Variants in VCP observed in about 807,000 individuals in gnomAD.
VCP encodes transitional endoplasmic reticulum ATPase.
In VCP, 6 loss-of-function variants were observed where a neutral mutation model predicts 85.7. That is an observed-to-expected ratio of 0.07 (90% CI 0.04 to 0.14). The LOEUF is 0.14. VCP is among the 10% of genes least tolerant of loss of function. VCP has a pLI of 1.00. For synonymous variants in VCP, 384 were observed against 367.1 expected, an observed-to-expected ratio of 1.05 and a Z score of -0.53; for missense variants, 353 against 1,043.4, an observed-to-expected ratio of 0.34 and a Z score of 9.12.
chr9:35,065,945 G>A (rs1828820289), intron 4 of VCP, among the ~76,000 whole-genome samples: 4 of 152,124 alleles, frequency 2.6e-5, no homozygotes, highest in African/African-American at 4.8e-5. Flanking sequence ...GACCAACATG[G>A]TGAAACCCCG....
At chr9:35,060,037 TAGG>T (rs1828690869) in intron 13 of VCP, 4 of 664,222 alleles carry the variant, frequency 6.0e-6, no homozygotes, top group Non-Finnish European at 1.0e-5. Flanking sequence ...GAGGCTGAAG[TAGG>T]AGAATTGCTT....
In VCP at chr9:35,059,826, A is replaced by C; in HGVS notation, c.1696-25T>G. The C allele has an allele frequency of 6.2e-7, 1 of 1,614,130 alleles. No homozygotes were observed. Among genetic ancestry groups the C allele is most frequent in the Non-Finnish European group, 8.5e-7 (1 of 1,180,030 alleles). The stretch of plus-strand genomic sequence containing the variant: ...CCTGTAGGAGGAATGGATTGATTCA[A>C]GCACTAACAAAACTAGATGTCTCTA... On this transcript the variant is annotated intron_variant, in intron 13 of 16. Coordinates refer to ENST00000358901, the MANE Select transcript of VCP (RefSeq NM_007126.5). The surrounding 1 kb of genome is among the most constrained non-coding windows in gnomAD (Gnocchi z 4.9).
chr9:35,056,753 G>A lies in VCP; in HGVS notation c.*364C>T. 3.1e-6 allele frequency: 1 copy of A among 326,076 alleles called. No homozygotes were observed. Among genetic ancestry groups the A allele is most frequent in the Non-Finnish European group, 6.0e-6 (1 of 166,644 alleles). The allele number at this position is 326,076 out of a possible 1,614,324, so 20.2% of individuals were successfully genotyped here. A position where few individuals can be genotyped will look rare whatever the true frequency, so the allele number is the denominator to read the frequency against. On this transcript the variant is annotated 3_prime_UTR_variant, in exon 17 of 17. Transcript: ENST00000358901. ...TGGATAGGGGGAAGGGAGGGCTCGG[G>A]CAGCATTGAGTCAAGTGCAGATGCT...
At chr9:35,067,843 G>A (rs767274225) in intron 3 of VCP, 48 bp downstream of exon 3, 5 of 1,612,292 alleles carry the variant, frequency 3.1e-6, no homozygotes, top group East Asian at 2.2e-5. Context: ...TGTAATGCAG[G>A]CTATCTCTGG....
chr9:35,067,862 C>G, intron 3 of VCP, 29 bp downstream of exon 3: 1 of 1,613,928 alleles, frequency 6.2e-7, no homozygotes, highest in Non-Finnish European at 8.5e-7. Flanking sequence ...GGCCTCCCAT[C>G]CCTGTGAAGC....
chr9:35,067,928 G>T lies in VCP; in HGVS notation c.265C>A (p.Arg89=). The part of the protein sequence containing the change: ...DEKIRMNRVV[R]NNLRVRLGDV... Reference sequence around the variant, plus strand: ...CCTAGGCGTACACGAAGGTTATTCCGAACAACTCTATTCATCCGAATCTTC... The same window carrying T: ...CCTAGGCGTACACGAAGGTTATTCCTAACAACTCTATTCATCCGAATCTTC... Residue 89 remains arginine, a synonymous_variant, in exon 3 of 17, where the codon CGG becomes AGG. Coordinates refer to ENST00000358901, the MANE Select transcript of VCP (RefSeq NM_007126.5). 3 of 1,614,158 alleles carry T rather than the reference G, an allele frequency of 1.9e-6. No homozygotes were observed. In the South Asian group the frequency reaches 3.3e-5, roughly 18 times the overall value.
intron 8 of VCP, 27 bp from the exon 9 acceptor site, chr9:35,062,165 A>G (rs1563978002): frequency 1.2e-6 from 2 of 1,614,132 alleles, no homozygotes; most frequent in Non-Finnish European, 1.7e-6. Context: ...TCTGGTCAGA[A>G]GTGAAGTCAG....
chr9:35,058,974 A>C, intron 15 of VCP, 90 bp downstream of exon 15: 1 of 1,569,892 alleles, frequency 6.4e-7, no homozygotes, highest in Non-Finnish European at 8.7e-7. Context: ...TGATCTTTCC[A>C]ACAGCTTCTA....
rs147834079 is a variant in VCP, at chr9:35,059,345, T to C, written c.2005-126A>G. The C allele has an allele frequency of 1.1e-4, 176 of 1,533,112 alleles. No homozygotes were observed. In the East Asian group the frequency reaches 4.1e-3, roughly 36 times the overall value. 95.0% of individuals were successfully genotyped at this position (1,533,112 alleles called of 1,614,324 possible). A position where few individuals can be genotyped will look rare whatever the true frequency, so the allele number is the denominator to read the frequency against. The stretch of plus-strand genomic sequence containing the variant: ...TTTGGCCACCCCATTTTATTCCTGA[T>C]TCTAGATTATCTTGATATCCTCAAA... On this transcript the variant is annotated intron_variant, in intron 14 of 16. Coordinates refer to ENST00000358901, the MANE Select transcript of VCP (RefSeq NM_007126.5). The surrounding 1 kb of genome is among the most constrained non-coding windows in gnomAD (Gnocchi z 4.9).
chr9:35,064,801 T>TAG (rs1215672776), intron 5 of VCP, among the ~76,000 whole-genome samples: 2 of 152,192 alleles, frequency 1.3e-5, no homozygotes, highest in Non-Finnish European at 2.9e-5. Context: ...AAGAAACAAT[T>TAG]AGGCCCAGAA....
At chr9:35,069,845 A>G (rs1372515580) in intron 1 of VCP, among the ~76,000 whole-genome samples, 1 of 152,252 alleles carries the variant, frequency 6.6e-6, no homozygotes, top group Non-Finnish European at 1.5e-5. Flanking sequence ...AAGGAAGCAA[A>G]GAAAATAAAT....
At chr9:35,063,939 C>T (rs189065388) in intron 6 of VCP, among the ~76,000 whole-genome samples, 9 of 152,350 alleles carry the variant, frequency 5.9e-5, no homozygotes, top group African/African-American at 1.7e-4. Context: ...TGTGCGCACA[C>T]GCACACAACA....
Position 35,059,187 on chromosome 9 carries a change from A to C in VCP, c.2037T>G (p.Thr679=), listed in dbSNP as rs764519589. ...DVDLEFLAKM[T]NGFSGADLTE... ...TCAGGTCAGCTCCAGAGAAGCCATTAGTCATTTTAGCCAGGAACTCCAAGT... is the reference window on the plus strand; with the variant it reads ...TCAGGTCAGCTCCAGAGAAGCCATTCGTCATTTTAGCCAGGAACTCCAAGT... Residue 679 remains threonine, a synonymous_variant, in exon 15 of 17, where the codon ACT becomes ACG. Coordinates refer to ENST00000358901, the MANE Select transcript of VCP (RefSeq NM_007126.5). The surrounding 1 kb of genome is among the most constrained non-coding windows in gnomAD (Gnocchi z 4.9). The C allele has an allele frequency of 3.1e-6, 5 of 1,614,206 alleles. No homozygotes were observed. The highest frequency in any genetic ancestry group is 4.2e-6 in the Non-Finnish European group (5 of 1,180,028).
chr9:35,072,085 GAC>G (rs1828963538), intron 1 of VCP: 1 of 1,305,830 alleles, frequency 7.7e-7, no homozygotes. Flanking sequence ...GGGCCTGCAT[GAC>G]ACAGCACGAT....
rs189151613 is a variant in VCP at position 35,067,597 on chromosome 9, G to A, written c.302+294C>T. Among the ~76,000 whole-genome samples the A allele has an allele frequency of 3.3e-5, 5 of 152,262 alleles. No homozygotes were observed. The East Asian group carries it at 9.6e-4, about 29-fold the overall frequency. The stretch of plus-strand genomic sequence containing the variant: ...TACACACCCTCGAGTGGTATCCTAA[G>A]CCAGGATATAAGTATGATAAATTAC... On this transcript the variant is annotated intron_variant, in intron 3 of 16. Coordinates refer to ENST00000358901, the MANE Select transcript of VCP (RefSeq NM_007126.5).
At chr9:35,063,562 A>AC (rs1828769093) in intron 6 of VCP, among the ~76,000 whole-genome samples, 1 of 152,026 alleles carries the variant, frequency 6.6e-6, no homozygotes, top group African/African-American at 2.4e-5. Flanking sequence ...CTTCAACACT[A>AC]CCCTTTCTAT....
chr9:35,064,465 T>A (rs189588564), intron 5 of VCP, among the ~76,000 whole-genome samples, 180 bp from the exon 6 acceptor site: 218 of 152,288 alleles, frequency 1.4e-3, no homozygotes, highest in Non-Finnish European at 2.3e-3. Context: ...GTGGGAGGAA[T>A]GCTTGAGTCC....
At chr9:35,070,415 G>A (rs560282047) in intron 1 of VCP, among the ~76,000 whole-genome samples, 1 of 152,188 alleles carries the variant, frequency 6.6e-6, no homozygotes, top group South Asian at 2.1e-4. Flanking sequence ...AAAATAAAAC[G>A]CCAGATGCCT....
At chr9:35,060,001 G>A (rs549743349) in intron 13 of VCP, 200 bp from the exon 14 acceptor site, 42 of 701,088 alleles carry the variant, frequency 6.0e-5, no homozygotes, top group South Asian at 3.9e-4. Flanking sequence ...ATGTGGTGAC[G>A]CATGCCTATA....
Sources: allele counts gnomAD v4.1 joint callset (sites outside exome capture counted in the v4.1 genomes callset), GRCh38; gene constraint gnomAD v4.1.1; non-coding constraint Gnocchi (gnomAD v3.1); transcripts MANE v1.5; gene names NCBI Gene and HGNC (gene_info 2026-07-23, HGNC 2026-07-21).